The following SV2C variants were observed in gnomAD, a reference collection of about 807,000 sequenced individuals.
SV2C encodes synaptic vesicle glycoprotein 2C, also known as solute carrier family 22 member B3.
A neutral mutation model predicts 79.7 loss-of-function variants in SV2C; 49 were observed. The observed-to-expected ratio is 0.61, with a 90% CI of 0.49 to 0.78. SV2C has a LOEUF of 0.78. Ranked by LOEUF, SV2C falls within the 30% of genes least tolerant of loss-of-function variation. SV2C has a pLI of 0.00. For synonymous variants in SV2C, 334 were observed against 333.2 expected (o/e 1.00, Z -0.03); for missense variants, 833 against 912.9 (o/e 0.91, Z 1.13).
At chr5:75,866,423 A>G in the SV2C span, among the ~76,000 whole-genome samples, 2 of 152,222 alleles carry the variant, frequency 1.3e-5, no homozygotes, top group Admixed American at 6.5e-5. Flanking sequence ...AATATTCACA[A>G]TAAACCTATG....
At chr5:75,889,313 A>G in the SV2C span, among the ~76,000 whole-genome samples, 7 of 129,446 alleles carry the variant, frequency 5.4e-5, no homozygotes, top group African/African-American at 1.8e-4. Context: ...ATGTGTTCTC[A>G]TTGTTCAACT....
At chr5:75,897,913 G>A in the SV2C span, among the ~76,000 whole-genome samples, 8 of 151,916 alleles carry the variant, frequency 5.3e-5, no homozygotes, top group Non-Finnish European at 1.0e-4. Context: ...TTTGTACATT[G>A]ATTTTGTATC....
chr5:76,073,304 A>C, the SV2C span, among the ~76,000 whole-genome samples: 3 of 151,860 alleles, frequency 2.0e-5, no homozygotes, highest in Non-Finnish European at 4.4e-5. Flanking sequence ...ATTCTTCTAT[A>C]TATGGCTTGC....
chr5:76,037,413 G>A, the SV2C span, among the ~76,000 whole-genome samples: 1 of 152,194 alleles, frequency 6.6e-6, no homozygotes, highest in Non-Finnish European at 1.5e-5. Flanking sequence ...GTGATGTACA[G>A]ATGGATTTTT....
chr5:76,091,154 A>G (rs1484200601), intron 1 of SV2C, among the ~76,000 whole-genome samples: 1 of 152,204 alleles, frequency 6.6e-6, no homozygotes, highest in East Asian at 1.9e-4. Context: ...TATTAAACAC[A>G]TCACTAGCTG....
At chr5:76,030,289 T>TTTTTTTTTTTTTTTTTTTTTTTTTA in the SV2C span, among the ~76,000 whole-genome samples, 12 of 117,872 alleles carry the variant, frequency 1.0e-4, no homozygotes, top group Non-Finnish European at 1.5e-4. Context: ...TTTTTTTTTT[T>TTTTTTTTTTTTTTTTTTTTTTTTTA]TTTATTTATT....
chr5:75,899,032 T>A, the SV2C span, among the ~76,000 whole-genome samples: 5 of 152,212 alleles, frequency 3.3e-5, no homozygotes, highest in African/African-American at 4.8e-5. Context: ...CCTGGATTCA[T>A]TAATTTGTTG....
chr5:76,023,684 G>GTATATATA, the SV2C span, among the ~76,000 whole-genome samples: 106 of 148,852 alleles, frequency 7.1e-4, no homozygotes, highest in African/African-American at 2.5e-3. Context: ...ATGTGTGTGT[G>GTATATATA]TATATATATA....
the SV2C span, among the ~76,000 whole-genome samples, chr5:75,852,296 C>G: frequency 1.3e-5 from 2 of 151,980 alleles, no homozygotes; most frequent in Admixed American, 1.3e-4. Flanking sequence ...ACATGTACCC[C>G]AGAACTTAAA....
chr5:76,258,735 A>G lies in SV2C; in HGVS notation c.914-26427A>G, dbSNP rs151314211. ...GCAAGAATCTTAAGTGTACAGTTCA[A>G]TGGATTTTGACAATCTTATGCACCC... On this transcript the variant is annotated intron_variant, in intron 4 of 12. Transcript: ENST00000502798. Among the ~76,000 whole-genome samples, 282 of 152,310 alleles carry G rather than the reference A, an allele frequency of 1.9e-3. 1 individual carries two copies. The highest frequency in any genetic ancestry group is 6.8e-3 in the Middle Eastern group (2 of 294).
chr5:76,154,428 G>T (rs1181164975), intron 2 of SV2C, among the ~76,000 whole-genome samples: 1 of 152,220 alleles, frequency 6.6e-6, no homozygotes, highest in African/African-American at 2.4e-5. Flanking sequence ...AGCATTCATT[G>T]TTTGAAACAG....
chr5:76,036,698 T>G, the SV2C span, among the ~76,000 whole-genome samples: 2 of 152,198 alleles, frequency 1.3e-5, no homozygotes, highest in African/African-American at 4.8e-5. Flanking sequence ...CATTTCAACT[T>G]TGGTGAATCT....
chr5:76,251,997 A>G (rs1746129339), intron 4 of SV2C, among the ~76,000 whole-genome samples: 1 of 152,226 alleles, frequency 6.6e-6, no homozygotes, highest in Non-Finnish European at 1.5e-5. Context: ...TATTATTTCT[A>G]TTCTGCAGAT....
At chr5:76,114,324 G>A (rs1748191676) in intron 1 of SV2C, among the ~76,000 whole-genome samples, 1 of 152,116 alleles carries the variant, frequency 6.6e-6, no homozygotes, top group African/African-American at 2.4e-5. Context: ...AACAAAGGCG[G>A]CTGCTTTTTA....
chr5:76,146,907 A>T (rs1580305624), intron 2 of SV2C, among the ~76,000 whole-genome samples: 1 of 152,046 alleles, frequency 6.6e-6, no homozygotes, highest in East Asian at 1.9e-4. Context: ...GTGCTACAAC[A>T]TGCATGAACC....
chr5:76,257,469 G>T (rs1054798298), intron 4 of SV2C, among the ~76,000 whole-genome samples: 2 of 127,108 alleles, frequency 1.6e-5, no homozygotes, highest in Non-Finnish European at 3.8e-5. Flanking sequence ...GGGGGATAGC[G>T]GTGTGTATGG....
At chr5:76,011,271 T>C in the SV2C span, among the ~76,000 whole-genome samples, 2 of 152,162 alleles carry the variant, frequency 1.3e-5, no homozygotes, top group Non-Finnish European at 2.9e-5. Context: ...AGCCACGATT[T>C]ATCTACTGCT....
At chr5:75,985,026 G>A in the SV2C span, among the ~76,000 whole-genome samples, 1 of 151,952 alleles carries the variant, frequency 6.6e-6, no homozygotes, top group African/African-American at 2.4e-5. Flanking sequence ...TAAAGGAAAG[G>A]GGTTTATTTG....
At chr5:76,066,833 G>T in the SV2C span, among the ~76,000 whole-genome samples, 2 of 148,518 alleles carry the variant, frequency 1.3e-5, no homozygotes, top group Non-Finnish European at 3.0e-5. Flanking sequence ...TAGAGAAATT[G>T]CTCTCAGACT....
Sources: gnomAD v4.1 joint callset for allele counts (sites outside exome capture counted in the v4.1 genomes callset) on GRCh38, gnomAD v4.1.1 for gene constraint, MANE v1.5 for transcripts, NCBI Gene and HGNC (gene_info 2026-07-23, HGNC 2026-07-21) for gene names.